The following SNX9 variants were observed in gnomAD, a reference collection of about 807,000 sequenced individuals.
The protein encoded by SNX9 is sorting nexin 9.
Under a neutral mutation model 89.4 loss-of-function variants are expected in SNX9, and 44 were observed. That is an observed-to-expected ratio of 0.49 (90% CI 0.39 to 0.63). SNX9 has a LOEUF of 0.63. Ranked by LOEUF, SNX9 falls within the 30% of genes least tolerant of loss-of-function variation. The pLI, the probability that SNX9 is intolerant of heterozygous loss-of-function variation, is 0.00. For missense variants in SNX9, 578 were observed against 736.1 expected (o/e 0.79, Z 2.49); for synonymous variants, 236 against 247.8 (o/e 0.95, Z 0.45).
intron 1 of SNX9, among the ~76,000 whole-genome samples, chr6:157,845,617 C>T (rs541182861): frequency 5.6e-4 from 85 of 152,310 alleles, no homozygotes; most frequent in Non-Finnish European, 8.8e-4. Context: ...GTCAGAATTT[C>T]CTGTGTATAC....
At chr6:157,933,983 T>C (rs1174020127) in intron 13 of SNX9, among the ~76,000 whole-genome samples, 1 of 152,268 alleles carries the variant, frequency 6.6e-6, no homozygotes, top group African/African-American at 2.4e-5. Context: ...TTCAAGTTCC[T>C]GTTGACTGGC....
intron 12 of SNX9, among the ~76,000 whole-genome samples, chr6:157,930,722 C>G (rs1783794713): frequency 1.3e-5 from 2 of 152,206 alleles, no homozygotes; most frequent in Non-Finnish European, 2.9e-5. Flanking sequence ...CCCCCCGACC[C>G]ACTGTCTATC....
chr6:157,936,872 C>T (rs937311315), intron 14 of SNX9, among the ~76,000 whole-genome samples: 1 of 152,062 alleles, frequency 6.6e-6, no homozygotes, highest in African/African-American at 2.4e-5. Flanking sequence ...TTTCTAATCC[C>T]TTAATTAAAA....
intron 16 of SNX9, 123 bp from the exon 17 acceptor site, chr6:157,940,760 C>A: frequency 1.2e-6 from 1 of 808,732 alleles, no homozygotes; most frequent in Non-Finnish European, 2.0e-6. Context: ...TTACCAAGAA[C>A]TGACAACAGC....
At chr6:157,935,704 C>T (rs1415236872) in intron 13 of SNX9, among the ~76,000 whole-genome samples, 2 of 152,136 alleles carry the variant, frequency 1.3e-5, no homozygotes, top group Non-Finnish European at 2.9e-5. Flanking sequence ...TTAGAGTCCT[C>T]ATCTATTAGG....
At chr6:157,844,367 G>A (rs552613245) in intron 1 of SNX9, among the ~76,000 whole-genome samples, 1 of 152,156 alleles carries the variant, frequency 6.6e-6, no homozygotes, top group South Asian at 2.1e-4. Flanking sequence ...GAAATCACAG[G>A]GAGTCAAAGC....
rs376262890 is a variant in SNX9 at position 157,903,258 on chromosome 6, A to G, written c.620+1213A>G. ...AAGAATGTTAATCTGTGTCTGGAAA[A>G]ATTAAAAACATAACATTTGACATAT... On this transcript the variant is annotated intron_variant, in intron 6 of 17. Transcript: ENST00000392185. 9.2e-5 allele frequency among the ~76,000 whole-genome samples: 14 copies of G among 151,988 alleles called. No homozygotes were observed. In the South Asian group the frequency reaches 1.2e-3, roughly 13 times the overall value.
intron 1 of SNX9, among the ~76,000 whole-genome samples, chr6:157,834,814 T>C (rs962666057): frequency 2.0e-5 from 3 of 152,134 alleles, no homozygotes; most frequent in African/African-American, 7.2e-5. Context: ...CTCATAACTT[T>C]GTTACATAAA....
intron 13 of SNX9, among the ~76,000 whole-genome samples, chr6:157,934,481 T>C (rs1181601293): frequency 2.6e-5 from 4 of 152,186 alleles, no homozygotes; most frequent in Non-Finnish European, 5.9e-5. Flanking sequence ...AATGAAGGCA[T>C]AGCACACAGA....
intron 4 of SNX9, among the ~76,000 whole-genome samples, chr6:157,896,020 CTGT>C (rs925657124): frequency 6.6e-6 from 1 of 152,204 alleles, no homozygotes; most frequent in Non-Finnish European, 1.5e-5. Flanking sequence ...AACTTTTTTT[CTGT>C]TGTTCTATTT....
intron 4 of SNX9, among the ~76,000 whole-genome samples, chr6:157,886,311 A>G (rs1277816822): frequency 1.3e-5 from 2 of 152,236 alleles, no homozygotes; most frequent in African/African-American, 4.8e-5. Context: ...AAAAATAACA[A>G]AACCAGAAAC....
chr6:157,849,566 G>C (rs1371434905), intron 1 of SNX9, among the ~76,000 whole-genome samples: 1 of 152,210 alleles, frequency 6.6e-6, no homozygotes, highest in East Asian at 1.9e-4. Flanking sequence ...GGAGGCTTTT[G>C]AAGTGAATGA....
At chr6:157,844,600 G>GTTTTTTTTTTTTTTTTTTTTTTTTTT (rs34836632) in intron 1 of SNX9, among the ~76,000 whole-genome samples, 3 of 131,806 alleles carry the variant, frequency 2.3e-5, no homozygotes, top group African/African-American at 5.7e-5. Context: ...TTTTTTTTTT[G>GTTTTTTTTTTTTTTTTTTTTTTTTTT]TTTTTTTTTT....
intron 4 of SNX9, among the ~76,000 whole-genome samples, chr6:157,887,655 G>A (rs1583217848): frequency 6.6e-6 from 1 of 152,204 alleles, no homozygotes; most frequent in Non-Finnish European, 1.5e-5. Context: ...ATTTGAACAC[G>A]GTTTCCTATA....
intron 1 of SNX9, among the ~76,000 whole-genome samples, chr6:157,836,833 C>T (rs191827092): frequency 2.2e-4 from 33 of 152,184 alleles, no homozygotes; most frequent in South Asian, 4.1e-4. Flanking sequence ...CCTCGTGATC[C>T]GCCCACCTTG....
intron 1 of SNX9, among the ~76,000 whole-genome samples, chr6:157,837,729 G>T (rs554301580): frequency 2.6e-5 from 4 of 152,318 alleles, no homozygotes; most frequent in African/African-American, 9.6e-5. Flanking sequence ...GAAGGCATGG[G>T]CATGCTGTCT....
rs1782491838 is a variant in SNX9, at chr6:157,875,112, T to C, written c.236T>C (p.Phe79Ser). ...SCGNSVADQA[F>S]LDSLSASTAQ... ...GGAAATTCAGTGGCTGACCAAGCCT[T>C]CCTTGATTCTCTCTCAGCCAGCACA... Residue 79 changes from phenylalanine to serine, a missense_variant, in exon 4 of 18, where the codon TTC becomes TCC. Coordinates refer to ENST00000392185, the MANE Select transcript of SNX9 (RefSeq NM_016224.5). The C allele has an allele frequency of 6.2e-7, 1 of 1,614,122 alleles. No individual in the cohort carries two copies. Among genetic ancestry groups the C allele is most frequent in the Non-Finnish European group, 8.5e-7 (1 of 1,179,998 alleles).
rs987543409 is a variant in SNX9, at chr6:157,931,161, G to T, written c.1289-1034G>T. Among the ~76,000 whole-genome samples, 17 of 152,176 alleles carry T rather than the reference G, an allele frequency of 1.1e-4. 1 individual carries two copies. The highest frequency in any genetic ancestry group is 9.2e-4 in the Admixed American group (14 of 15,284). ...AAAGTAGTTCTTTAAAATTCCTAATGTGTAGAATGAAAACTCTAGCACACA... is the reference window on the plus strand; with the variant it reads ...AAAGTAGTTCTTTAAAATTCCTAATTTGTAGAATGAAAACTCTAGCACACA... On this transcript the variant is annotated intron_variant, in intron 12 of 17. Transcript: ENST00000392185.
At position 157,910,018 on chromosome 6, in the gene SNX9, A is replaced by G; in HGVS notation, c.942A>G (p.Gln314=). 1.2e-6 allele frequency: 2 copies of G among 1,612,360 alleles called. No individual in the cohort carries two copies. Among genetic ancestry groups the G allele is most frequent in the Non-Finnish European group, 1.7e-6 (2 of 1,178,388 alleles). Residue 314 remains glutamine (Q), a synonymous_variant, in exon 9 of 18, where the codon CAA becomes CAG. Coordinates refer to ENST00000392185, the MANE Select transcript of SNX9 (RefSeq NM_016224.5). ...AIPIPSLPDK[Q]VTGRFEEEFI... is the part of the protein sequence containing the mutation. ...CAATCCCTTCTCTTCCAGACAAACAAGTCACAGGTGAGTGTGTGTAATGCT... is the reference window on the plus strand; with the variant it reads ...CAATCCCTTCTCTTCCAGACAAACAGGTCACAGGTGAGTGTGTGTAATGCT...
Sources: allele counts gnomAD v4.1 joint callset (sites outside exome capture counted in the v4.1 genomes callset), GRCh38; gene constraint gnomAD v4.1.1; transcripts MANE v1.5; gene names NCBI Gene and HGNC (gene_info 2026-07-23, HGNC 2026-07-21).